Variants in ALDH1A2 observed in about 807,000 individuals in gnomAD.
ALDH1A2 encodes retinal dehydrogenase 2.
ALDH1A2 carries 27 observed loss-of-function variants against 60.3 expected under a neutral mutation model. The ratio of observed to expected loss-of-function variants is 0.45; its 90% CI spans 0.33 to 0.62. ALDH1A2 has a LOEUF of 0.62. ALDH1A2 is among the 20% of genes least tolerant of loss of function. The pLI is 0.02. For missense variants in ALDH1A2, 581 were observed against 643.8 expected, an observed-to-expected ratio of 0.90 and a Z score of 1.06; for synonymous variants, 289 against 232.4, an observed-to-expected ratio of 1.24 and a Z score of -2.21.
chr15:57,977,264 C>G (rs11630835), intron 7 of ALDH1A2, among the ~76,000 whole-genome samples: 35 of 151,882 alleles, frequency 2.3e-4, no homozygotes, highest in African/African-American at 8.2e-4. Flanking sequence ...AATTAGATCC[C>G]GTTTGTCAAT....
At chr15:58,028,054 C>A (rs1317745684) in intron 1 of ALDH1A2, among the ~76,000 whole-genome samples, 1 of 152,140 alleles carries the variant, frequency 6.6e-6, no homozygotes, top group Non-Finnish European at 1.5e-5. Flanking sequence ...GAGACCACCA[C>A]AAAGATATTC....
At chr15:58,000,322 G>C (rs1463951497) in intron 4 of ALDH1A2, among the ~76,000 whole-genome samples, 2 of 151,886 alleles carry the variant, frequency 1.3e-5, no homozygotes, top group African/African-American at 2.4e-5. Flanking sequence ...CCTTCTGTGG[G>C]CACCTTCAGC....
intron 1 of ALDH1A2, among the ~76,000 whole-genome samples, chr15:58,041,731 G>T (rs1239846707): frequency 1.3e-5 from 2 of 151,916 alleles, no homozygotes; most frequent in African/African-American, 2.4e-5. Flanking sequence ...TTGTATAGGA[G>T]TCCTCCTTTA....
chr15:57,980,996 T>G (rs1894482054), intron 7 of ALDH1A2, among the ~76,000 whole-genome samples: 1 of 152,172 alleles, frequency 6.6e-6, no homozygotes, highest in Non-Finnish European at 1.5e-5. Context: ...GGATTCAACT[T>G]CTTCCTGGTT....
At chr15:58,026,024 G>C (rs73424132) in intron 1 of ALDH1A2, among the ~76,000 whole-genome samples, 2,572 of 152,254 alleles carry the variant, frequency 0.017, 77 homozygotes, top group African/African-American at 0.059. Flanking sequence ...ATGAGATTTG[G>C]AGGGGACATA....
chr15:58,022,267 G>A (rs144429138), intron 1 of ALDH1A2, among the ~76,000 whole-genome samples: 9 of 152,148 alleles, frequency 5.9e-5, no homozygotes, highest in Non-Finnish European at 8.8e-5. Flanking sequence ...ACCACCTTGG[G>A]TACCTGAACA....
At position 58,003,988 on chromosome 15, in the gene ALDH1A2, C is replaced by G. The variant is rs1895363702; in HGVS notation, c.493+6661G>C. On this transcript the variant is annotated intron_variant, in intron 4 of 12. Transcript: ENST00000249750. ...AAACAACATCAAGACTCTTGTGAATCAAACTAGTATTGCATAATTGTGCAA... is the reference window on the plus strand; with the variant it reads ...AAACAACATCAAGACTCTTGTGAATGAAACTAGTATTGCATAATTGTGCAA... Among the ~76,000 whole-genome samples, 9 of 151,834 alleles carry G rather than the reference C, an allele frequency of 5.9e-5. 1 individual carries two copies. The highest frequency in any genetic ancestry group is 5.9e-4 in the Admixed American group (9 of 15,222).
intron 1 of ALDH1A2, chr15:58,036,518 C>T (rs1896382138): frequency 6.6e-6 from 1 of 151,434 alleles, no homozygotes. Flanking sequence ...GCGCAACTCC[C>T]TCCCACATCC....
chr15:58,060,088 T>C (rs1226062133), intron 1 of ALDH1A2, among the ~76,000 whole-genome samples: 2 of 152,012 alleles, frequency 1.3e-5, no homozygotes, highest in African/African-American at 4.8e-5. Flanking sequence ...ACACAGCTAA[T>C]TTCATATTTT....
Position 57,997,146 on chromosome 15 carries a change from G to A in ALDH1A2, c.494-2007C>T, listed in dbSNP as rs145595206. Among the ~76,000 whole-genome samples the A allele has an allele frequency of 1.2e-3, 176 of 152,132 alleles. 1 individual carries two copies. Among genetic ancestry groups the A allele is most frequent in the African/African-American group, 4.0e-3 (167 of 41,538 alleles). On this transcript the variant is annotated intron_variant, in intron 4 of 12. Transcript: ENST00000249750. ...ATCTATTACGAGAAAAAATAGCGAAGATGTTGCAACTGTCCATAGGATGAC... is the reference window on the plus strand; with the variant it reads ...ATCTATTACGAGAAAAAATAGCGAAAATGTTGCAACTGTCCATAGGATGAC...
At chr15:58,004,698 TGTGTGC>T (rs1296434624) in intron 4 of ALDH1A2, among the ~76,000 whole-genome samples, 6 of 114,476 alleles carry the variant, frequency 5.2e-5, no homozygotes, top group Admixed American at 1.1e-4. Flanking sequence ...ATGATTTGTG[TGTGTGC>T]GTGTGTGTGT....
At chr15:58,025,597 A>T (rs189750119) in intron 1 of ALDH1A2, among the ~76,000 whole-genome samples, 5 of 152,308 alleles carry the variant, frequency 3.3e-5, no homozygotes, top group Admixed American at 6.5e-5. Flanking sequence ...AACTAACATC[A>T]ATCCTCCTGA....
chr15:57,962,961 G>A (rs779908666), intron 9 of ALDH1A2, among the ~76,000 whole-genome samples: 35 of 152,244 alleles, frequency 2.3e-4, no homozygotes, highest in Non-Finnish European at 4.1e-4. Flanking sequence ...GATGATTACG[G>A]TGAACCTGCA....
Position 57,954,628 on chromosome 15 carries a change from T to A in ALDH1A2, c.*569A>T, listed in dbSNP as rs1437075604. ...TGTAGTGTACCAGCTCCTGGCATTTTCATTCTGGTCTGACTCTAGCTAAAA... is the reference window on the plus strand; with the variant it reads ...TGTAGTGTACCAGCTCCTGGCATTTACATTCTGGTCTGACTCTAGCTAAAA... On this transcript the variant is annotated 3_prime_UTR_variant, in exon 13 of 13. Transcript: ENST00000249750. 1 of 170,656 alleles carries A rather than the reference T, an allele frequency of 5.9e-6. No individual in the cohort carries two copies. Among genetic ancestry groups the A allele is most frequent in the Non-Finnish European group, 1.3e-5 (1 of 76,602 alleles). 10.6% of individuals were successfully genotyped at this position (170,656 alleles called of 1,614,324 possible). A position where few individuals can be genotyped will look rare whatever the true frequency, so the allele number is the denominator to read the frequency against.
chr15:58,033,888 T>C (rs1366915906), intron 1 of ALDH1A2, among the ~76,000 whole-genome samples: 1 of 151,252 alleles, frequency 6.6e-6, no homozygotes, highest in Non-Finnish European at 1.5e-5. Flanking sequence ...TTAATTACTG[T>C]AGCTTTACAG....
In ALDH1A2 at chr15:57,993,088, C is replaced by T; in HGVS notation, c.556-15G>A. 2 of 1,611,270 alleles carry T rather than the reference C, an allele frequency of 1.2e-6. No individual in the cohort carries two copies. The highest frequency in any genetic ancestry group is 1.7e-6 in the Non-Finnish European group (2 of 1,179,836). On this transcript the variant is annotated splice_polypyrimidine_tract_variant and intron_variant, in intron 5 of 12. Coordinates refer to ENST00000249750, the MANE Select transcript of ALDH1A2 (RefSeq NM_003888.4). Reference sequence around the variant, plus strand: ...GGGAAGTTCCACTGAAAGGAAAAAACTCAAAGTTGATAGATGGAAAAACAT... The same window carrying T: ...GGGAAGTTCCACTGAAAGGAAAAAATTCAAAGTTGATAGATGGAAAAACAT...
In ALDH1A2 at chr15:58,012,410, A is replaced by G. The variant is rs561941912; in HGVS notation, c.363+1448T>C. Reference sequence around the variant, plus strand: ...TTCTCAAGAAAATGATAATCCAGTGAAAAGACAAGTAATGTGTCCCAAAAA... The same window carrying G: ...TTCTCAAGAAAATGATAATCCAGTGGAAAGACAAGTAATGTGTCCCAAAAA... On this transcript the variant is annotated intron_variant, in intron 3 of 12. Coordinates refer to ENST00000249750, the MANE Select transcript of ALDH1A2 (RefSeq NM_003888.4). Among the ~76,000 whole-genome samples the G allele has an allele frequency of 2.6e-5, 4 of 152,318 alleles. No individual in the cohort carries two copies. In the South Asian group the frequency reaches 8.3e-4, roughly 32 times the overall value.
Position 57,955,135 on chromosome 15 carries a change from C to CTACAGAGAAAGCAGA in ALDH1A2, c.*47_*61dup. 6.6e-7 allele frequency: 1 copy of CTACAGAGAAAGCAGA among 1,521,558 alleles called. No individual in the cohort carries two copies. Among genetic ancestry groups the CTACAGAGAAAGCAGA allele is most frequent in the Non-Finnish European group, 9.1e-7 (1 of 1,095,734 alleles). 94.3% of individuals were successfully genotyped at this position (1,521,558 alleles called of 1,614,324 possible). ...ACTTTGTATTCCTGAGAGCTGGGCC[C>CTACAGAGAAAGCAGA]TACAGAGAAAGCAGAGAGGGACAGA... is the stretch of plus-strand genomic sequence containing the variant. On this transcript the variant is annotated 3_prime_UTR_variant, in exon 13 of 13. Transcript: ENST00000249750.
intron 7 of ALDH1A2, among the ~76,000 whole-genome samples, chr15:57,969,901 A>G (rs534812402): frequency 7.2e-5 from 11 of 152,222 alleles, no homozygotes; most frequent in Non-Finnish European, 1.5e-4. Context: ...TTTGGCCCAC[A>G]GGAGTCAGAA....
Sources: gnomAD v4.1 joint callset for allele counts (sites outside exome capture counted in the v4.1 genomes callset) on GRCh38, gnomAD v4.1.1 for gene constraint, MANE v1.5 for transcripts, NCBI Gene and HGNC (gene_info 2026-07-23, HGNC 2026-07-21) for gene names.